The following GSK3B variants were observed in gnomAD, a reference collection of about 807,000 sequenced individuals.
The protein encoded by GSK3B is glycogen synthase kinase 3 beta.
Under a neutral mutation model 56.4 loss-of-function variants are expected in GSK3B, and 15 were observed. That is an observed-to-expected ratio of 0.27 (90% CI 0.18 to 0.41). The LOEUF (loss-of-function observed/expected upper bound fraction) is 0.41, where lower values mean the gene tolerates loss of function less well. Among genes scored for constraint, GSK3B ranks in the 10% least tolerant of loss-of-function variants. GSK3B has a pLI of 1.00. For synonymous variants in GSK3B, 181 were observed against 188.9 expected (o/e 0.96, Z 0.34); for missense variants, 300 against 513.4 (o/e 0.58, Z 4.02).
At chr3:120,039,736 G>T (rs548155547) in intron 1 of GSK3B, among the ~76,000 whole-genome samples, 1 of 152,166 alleles carries the variant, frequency 6.6e-6, no homozygotes, top group Non-Finnish European at 1.5e-5. Context: ...ACAGAGGTAG[G>T]GACTATGCAT....
rs1442107906 is a variant in GSK3B, at chr3:120,078,636, T to A, written c.88+14711A>T. ...GGCACGATCTCGGCTCACTACAACC[T>A]CTGCCTCTGGGGTTCAAGCGATTCT... On this transcript the variant is annotated intron_variant, in intron 1 of 10. Transcript: ENST00000264235. Among the ~76,000 whole-genome samples the A allele has an allele frequency of 7.3e-5, 11 of 149,956 alleles. 1 individual carries two copies. The South Asian group carries it at 2.4e-3, about 32-fold the overall frequency.
At chr3:119,945,771 G>A (rs553188692) in intron 3 of GSK3B, among the ~76,000 whole-genome samples, 4 of 152,084 alleles carry the variant, frequency 2.6e-5, no homozygotes, top group Non-Finnish European at 4.4e-5. Flanking sequence ...ACTCTGGGAG[G>A]AGGCCTTTTT....
At chr3:120,022,923 G>C (rs1407898652) in intron 1 of GSK3B, among the ~76,000 whole-genome samples, 1 of 152,224 alleles carries the variant, frequency 6.6e-6, no homozygotes, top group African/African-American at 2.4e-5. Context: ...TGCCAAAGCA[G>C]AGTGTCTCCC....
intron 7 of GSK3B, among the ~76,000 whole-genome samples, chr3:119,893,075 T>G (rs1186305254): frequency 2.6e-5 from 4 of 152,092 alleles, no homozygotes; most frequent in Admixed American, 2.6e-4. Context: ...TGGTGCAATC[T>G]TGGCTCACTG....
chr3:119,886,551 T>C (rs945364686), intron 7 of GSK3B, among the ~76,000 whole-genome samples: 1 of 152,034 alleles, frequency 6.6e-6, no homozygotes. Flanking sequence ...AAAATTGTTC[T>C]ACCAAAAAGA....
chr3:119,983,537 A>G (rs1195253641), intron 2 of GSK3B, among the ~76,000 whole-genome samples: 1 of 152,150 alleles, frequency 6.6e-6, no homozygotes, highest in Non-Finnish European at 1.5e-5. Flanking sequence ...GAGAGAAAAA[A>G]AAAAAAGCAG....
intron 6 of GSK3B, among the ~76,000 whole-genome samples, chr3:119,907,177 T>A (rs2056691014): frequency 6.6e-6 from 1 of 152,140 alleles, no homozygotes; most frequent in African/African-American, 2.4e-5. Flanking sequence ...TTTTAAAACA[T>A]CCCTTTACCT....
At chr3:119,914,874 C>T (rs1314853178) in intron 5 of GSK3B, among the ~76,000 whole-genome samples, 2 of 152,034 alleles carry the variant, frequency 1.3e-5, no homozygotes, top group African/African-American at 2.4e-5. Context: ...GATAGGAACA[C>T]AGGTATTAAC....
intron 1 of GSK3B, among the ~76,000 whole-genome samples, chr3:120,066,366 G>A (rs2058278681): frequency 6.6e-6 from 1 of 152,090 alleles, no homozygotes; most frequent in South Asian, 2.1e-4. Context: ...AAAGACTACT[G>A]AGGTTATATG....
intron 7 of GSK3B, among the ~76,000 whole-genome samples, chr3:119,901,222 G>A (rs2056621756): frequency 6.6e-6 from 1 of 151,992 alleles, no homozygotes; most frequent in Non-Finnish European, 1.5e-5. Context: ...TTTATATTAA[G>A]GAAGAATTTA....
intron 7 of GSK3B, among the ~76,000 whole-genome samples, chr3:119,883,538 T>C (rs1384093115): frequency 6.6e-6 from 1 of 152,126 alleles, no homozygotes; most frequent in Non-Finnish European, 1.5e-5. Flanking sequence ...TTAAGGCTTG[T>C]GGGACACAAA....
intron 8 of GSK3B, among the ~76,000 whole-genome samples, chr3:119,870,257 G>A (rs567225033): frequency 4.6e-5 from 7 of 152,030 alleles, no homozygotes; most frequent in Non-Finnish European, 8.8e-5. Flanking sequence ...TTAAGTATAC[G>A]GTTACATAGT....
intron 1 of GSK3B, among the ~76,000 whole-genome samples, chr3:120,085,831 A>G (rs1368459033): frequency 6.6e-6 from 1 of 152,190 alleles, no homozygotes; most frequent in Non-Finnish European, 1.5e-5. Context: ...GTATTAACTA[A>G]TTTTATAAAA....
chr3:120,010,974 A>C (rs1435346714), intron 1 of GSK3B, among the ~76,000 whole-genome samples: 1 of 152,184 alleles, frequency 6.6e-6, no homozygotes, highest in Non-Finnish European at 1.5e-5. Context: ...AGGCTGAGGC[A>C]CAAGAATCCC....
chr3:119,903,150 C>T (rs76612896), intron 7 of GSK3B, among the ~76,000 whole-genome samples: 273 of 152,238 alleles, frequency 1.8e-3, no homozygotes, highest in East Asian at 6.0e-3. Flanking sequence ...CTAGAGCCTC[C>T]GTGCAATGTG....
intron 1 of GSK3B, among the ~76,000 whole-genome samples, chr3:120,093,069 G>C (rs1364681460): frequency 6.6e-6 from 1 of 152,180 alleles, no homozygotes; most frequent in African/African-American, 2.4e-5. Flanking sequence ...AGCACTTGAT[G>C]AAACTGACTA....
intron 7 of GSK3B, among the ~76,000 whole-genome samples, chr3:119,896,191 A>G (rs1216207423): frequency 6.6e-6 from 1 of 151,836 alleles, no homozygotes; most frequent in African/African-American, 2.4e-5. Context: ...TTTGGACTTC[A>G]TTCTTTTCTT....
intron 1 of GSK3B, among the ~76,000 whole-genome samples, chr3:120,033,258 T>C (rs144035731): frequency 6.6e-6 from 1 of 152,326 alleles, no homozygotes; most frequent in African/African-American, 2.4e-5. Flanking sequence ...CTGATAGATG[T>C]TTGGGTTGTT....
chr3:119,907,902 G>A (rs980539411), intron 6 of GSK3B, among the ~76,000 whole-genome samples: 3 of 152,142 alleles, frequency 2.0e-5, no homozygotes, highest in Admixed American at 6.5e-5. Context: ...GGGTCTGTCT[G>A]TAAGTTCAAT....
Sources: allele counts gnomAD v4.1 joint callset (sites outside exome capture counted in the v4.1 genomes callset), GRCh38; gene constraint gnomAD v4.1.1; transcripts MANE v1.5; gene names NCBI Gene and HGNC (gene_info 2026-07-23, HGNC 2026-07-21).